Variants in QSER1 observed in about 807,000 individuals in gnomAD.
The protein encoded by QSER1 is glutamine and serine-rich protein 1.
QSER1 carries 49 observed loss-of-function variants against 158.5 expected under a neutral mutation model. That is an observed-to-expected ratio of 0.31 (90% CI 0.25 to 0.39). The LOEUF (loss-of-function observed/expected upper bound fraction) is 0.39, where lower values mean the gene tolerates loss of function less well. QSER1 is among the 10% of genes least tolerant of loss of function. The pLI is 1.00. For synonymous variants in QSER1, 650 were observed against 715.5 expected, an observed-to-expected ratio of 0.91 and a Z score of 1.46; for missense variants, 1,754 against 2,010.3, an observed-to-expected ratio of 0.87 and a Z score of 2.44.
chr11:32,960,301 A>G (rs923609908), intron 8 of QSER1, among the ~76,000 whole-genome samples: 4 of 152,200 alleles, frequency 2.6e-5, no homozygotes, highest in Non-Finnish European at 5.9e-5. Context: ...TCATGCCTGC[A>G]ATCCCAGCAC....
At chr11:32,902,476 A>C (rs115479901) in intron 1 of QSER1, among the ~76,000 whole-genome samples, 346 of 152,330 alleles carry the variant, frequency 2.3e-3, no homozygotes, top group African/African-American at 8.0e-3. Context: ...GGATCTTGTC[A>C]GTGTTGGCTT....
chr11:32,913,803 C>T (rs933814354), intron 1 of QSER1, among the ~76,000 whole-genome samples: 2 of 152,262 alleles, frequency 1.3e-5, no homozygotes, highest in Middle Eastern at 3.4e-3. Flanking sequence ...GTTGAGGAAA[C>T]GGAGACTTGG....
At chr11:32,969,247 C>G (rs1362435331) in intron 10 of QSER1, 104 bp downstream of exon 10, 2 of 742,218 alleles carry the variant, frequency 2.7e-6, no homozygotes, top group Non-Finnish European at 4.4e-6. Flanking sequence ...ACATTTTTCA[C>G]CTAATGAAAA....
In QSER1 at chr11:32,962,794, A is replaced by T. The variant is rs1174566460; in HGVS notation, c.4970-3506A>T. ...AACTCTAATTTTCACTTGAAATCTC[A>T]AATTTTATCATTGGCAACAAATACC... On this transcript the variant is annotated intron_variant, in intron 8 of 12. Transcript: ENST00000650167. Among the ~76,000 whole-genome samples the T allele has an allele frequency of 2.6e-5, 4 of 152,176 alleles. No homozygotes were observed. The East Asian group carries it at 7.7e-4, about 29-fold the overall frequency.
chr11:32,949,660 A>G (rs1282628777), intron 4 of QSER1, among the ~76,000 whole-genome samples: 1 of 152,198 alleles, frequency 6.6e-6, no homozygotes, highest in African/African-American at 2.4e-5. Flanking sequence ...TTTGTGACAG[A>G]AAAGTATGAC....
chr11:32,945,398 C>T (rs1370447099), intron 4 of QSER1, among the ~76,000 whole-genome samples: 41 of 150,734 alleles, frequency 2.7e-4, no homozygotes, highest in African/African-American at 8.5e-4. Flanking sequence ...CCATGTTTAG[C>T]GCTTCCTTCA....
intron 4 of QSER1, among the ~76,000 whole-genome samples, chr11:32,952,508 A>G (rs1852439380): frequency 6.6e-6 from 1 of 152,140 alleles, no homozygotes; most frequent in South Asian, 2.1e-4. Context: ...TGGATTTGCT[A>G]GTATTTCATT....
Position 32,934,570 on chromosome 11 carries a change from C to T in QSER1, c.3312C>T (p.Gly1104=). 1 of 1,613,378 alleles carries T rather than the reference C, an allele frequency of 6.2e-7. No individual in the cohort carries two copies. Among genetic ancestry groups the T allele is most frequent in the Non-Finnish European group, 8.5e-7 (1 of 1,179,886 alleles). ...PSHEVQEQSS[G]PFKKQSATNL... ...ATGAAGTCCAGGAGCAAAGTTCTGGCCCATTCAAGAAACAGTCTGCTACCA... is the reference window on the plus strand; with the variant it reads ...ATGAAGTCCAGGAGCAAAGTTCTGGTCCATTCAAGAAACAGTCTGCTACCA... Residue 1104 remains glycine, a synonymous_variant, in exon 4 of 13, where the codon GGC becomes GGT. Transcript: ENST00000650167.
chr11:32,904,890 C>A (rs1851672535), intron 1 of QSER1, among the ~76,000 whole-genome samples: 1 of 152,124 alleles, frequency 6.6e-6, no homozygotes. Context: ...CTTCTCTGTT[C>A]TTGTTTATTG....
At chr11:32,931,114 G>A (rs1373518449) in intron 3 of QSER1, among the ~76,000 whole-genome samples, 1 of 151,284 alleles carries the variant, frequency 6.6e-6, no homozygotes, top group Non-Finnish European at 1.5e-5. Flanking sequence ...TGTACATTTT[G>A]GTTTGTCCAT....
At chr11:32,915,392 T>C (rs1851818789) in intron 1 of QSER1, among the ~76,000 whole-genome samples, 1 of 152,108 alleles carries the variant, frequency 6.6e-6, no homozygotes, top group South Asian at 2.1e-4. Flanking sequence ...GATTGAGACT[T>C]GGTTCATTCT....
At position 32,932,196 on chromosome 11, in the gene QSER1, G is replaced by A. The variant is rs200602989; in HGVS notation, c.938G>A (p.Arg313Gln). The change falls in exon 4 of 13, where the codon CGA (arginine) becomes CAA (glutamine). Residue 313 changes from arginine (R) to glutamine (Q), a missense_variant. By Grantham distance (43) the Arg-to-Gln change is conservative. Transcript: ENST00000650167. ...STASIERALLRECSVIKHHQR... is the reference protein window; with the variant it reads ...STASIERALLQECSVIKHHQR... ...GCTTCCATTGAAAGAGCTCTTCTTC[G>A]AGAATGTAGTGTTATTAAACACCAT... The A allele has an allele frequency of 1.2e-5, 19 of 1,614,118 alleles. No homozygotes were observed. The highest frequency in any genetic ancestry group is 1.7e-5 in the Admixed American group (1 of 60,008).
Position 32,979,060 on chromosome 11 carries a change from C to A in QSER1, c.*2586C>A, listed in dbSNP as rs1393925688. ...CTGAATACTGTAGGCAGTTGTAACA[C>A]AATGGTATTTGTGTATCTAGACATA... On this transcript the variant is annotated 3_prime_UTR_variant, in exon 13 of 13. Coordinates refer to ENST00000650167, the MANE Select transcript of QSER1 (RefSeq NM_001076786.3). The A allele has an allele frequency of 1.3e-5, 2 of 152,214 alleles. No individual in the cohort carries two copies. Among genetic ancestry groups the A allele is most frequent in the Admixed American group, 1.3e-4 (2 of 15,276 alleles). 9.4% of individuals were successfully genotyped at this position (152,214 alleles called of 1,614,324 possible).
In QSER1 at chr11:32,979,338, T is replaced by C. The variant is rs921584297; in HGVS notation, c.*2864T>C. On this transcript the variant is annotated 3_prime_UTR_variant, in exon 13 of 13. Coordinates refer to ENST00000650167, the MANE Select transcript of QSER1 (RefSeq NM_001076786.3). ...AAGAAAGATTGGATTTTCCTACCTT[T>C]AGAGATCTAAAAAAAATTTAATATA... The C allele has an allele frequency of 1.3e-5, 2 of 152,640 alleles. No individual in the cohort carries two copies. The highest frequency in any genetic ancestry group is 2.4e-5 in the African/African-American group (1 of 41,450). 9.5% of individuals were successfully genotyped at this position (152,640 alleles called of 1,614,324 possible).
chr11:32,908,668 T>C (rs1045030365), intron 1 of QSER1, among the ~76,000 whole-genome samples: 1 of 152,234 alleles, frequency 6.6e-6, no homozygotes, highest in South Asian at 2.1e-4. Context: ...CCGAACTCTT[T>C]TGATGGACAT....
chr11:32,925,342 G>A (rs895176683), intron 1 of QSER1, among the ~76,000 whole-genome samples: 1 of 151,994 alleles, frequency 6.6e-6, no homozygotes, highest in Non-Finnish European at 1.5e-5. Context: ...CAAACATACA[G>A]AAAAATGCAC....
At chr11:32,924,640 G>T (rs1218887109) in intron 1 of QSER1, among the ~76,000 whole-genome samples, 1 of 151,376 alleles carries the variant, frequency 6.6e-6, no homozygotes, top group Non-Finnish European at 1.5e-5. Context: ...TAGACTGGGA[G>T]AAAATACTCC....
rs1292052395 is a variant in QSER1 at position 32,978,889 on chromosome 11, T to C, written c.*2415T>C. The C allele has an allele frequency of 6.6e-6, 1 of 152,226 alleles. No individual in the cohort carries two copies. Among genetic ancestry groups the C allele is most frequent in the Non-Finnish European group, 1.5e-5 (1 of 68,042 alleles). 9.4% of individuals were successfully genotyped at this position (152,226 alleles called of 1,614,324 possible). The stretch of plus-strand genomic sequence containing the variant: ...GTATGAAGTTAAATACAGTCATGCG[T>C]TGCTTAACAGCAGGGATACATTCTG... On this transcript the variant is annotated 3_prime_UTR_variant, in exon 13 of 13. Coordinates refer to ENST00000650167, the MANE Select transcript of QSER1 (RefSeq NM_001076786.3).
intron 1 of QSER1, among the ~76,000 whole-genome samples, chr11:32,922,324 C>T (rs1427970905): frequency 6.6e-6 from 1 of 152,018 alleles, no homozygotes; most frequent in African/African-American, 2.4e-5. Context: ...ACATAACTGG[C>T]CAAGAACTTG....
Sources: allele counts gnomAD v4.1 joint callset (sites outside exome capture counted in the v4.1 genomes callset), GRCh38; gene constraint gnomAD v4.1.1; transcripts MANE v1.5; gene names NCBI Gene and HGNC (gene_info 2026-07-23, HGNC 2026-07-21).